Variants in ERC1 observed in about 807,000 individuals in gnomAD.
ERC1 encodes ELKS/RAB6-interacting/CAST family member 1.
ERC1 carries 56 observed loss-of-function variants against 132.0 expected under a neutral mutation model. That is an observed-to-expected ratio of 0.42 (90% CI 0.34 to 0.53). The LOEUF is 0.53. Ranked by LOEUF, ERC1 falls within the 20% of genes least tolerant of loss-of-function variation. The pLI, the probability that ERC1 is intolerant of heterozygous loss-of-function variation, is 0.03. For synonymous variants in ERC1, 478 were observed against 476.1 expected (o/e 1.00, Z -0.05); for missense variants, 1,202 against 1,349.9 (o/e 0.89, Z 1.72).
At chr12:1,040,894 GGTAT>G (rs1459144538) in intron 2 of ERC1, among the ~76,000 whole-genome samples, 1 of 152,032 alleles carries the variant, frequency 6.6e-6, no homozygotes, top group Non-Finnish European at 1.5e-5. Flanking sequence ...CAGAGAATGT[GGTAT>G]GCAAAGATCT....
chr12:1,252,179 A>T (rs1320755765), intron 13 of ERC1, among the ~76,000 whole-genome samples: 3 of 152,134 alleles, frequency 2.0e-5, no homozygotes, highest in Non-Finnish European at 1.5e-5. Context: ...AACATGTACA[A>T]CAAAGTGTTG....
At chr12:1,479,846 G>A (rs1423866081) in intron 18 of ERC1, among the ~76,000 whole-genome samples, 2 of 152,252 alleles carry the variant, frequency 1.3e-5, no homozygotes, top group East Asian at 3.9e-4. Context: ...AGACTCCCCG[G>A]GTGCCCACGT....
intron 8 of ERC1, among the ~76,000 whole-genome samples, chr12:1,155,874 T>A (rs1033658218): frequency 1.4e-4 from 21 of 149,198 alleles, no homozygotes; most frequent in African/African-American, 2.2e-4. Context: ...AAAAAAAAAA[T>A]AAATAAATAA....
chr12:1,397,247 A>G (rs1366136159), intron 16 of ERC1, among the ~76,000 whole-genome samples: 2 of 152,224 alleles, frequency 1.3e-5, no homozygotes, highest in Non-Finnish European at 2.9e-5. Context: ...CAGTTTGGCA[A>G]TATGTAGTAA....
Position 1,400,908 on chromosome 12 carries a change from A to ATTTTTTTT in ERC1, c.2926-7236_2926-7235insTTTTTTTT, listed in dbSNP as rs2090967822. On this transcript the variant is annotated intron_variant, in intron 16 of 18. Coordinates refer to ENST00000360905, the MANE Select transcript of ERC1 (RefSeq NM_178040.4). ...CTTCTCATTCAATATTGTTTTGGCT[A>ATTTTTTTT]TTTTTGTATTTTTTTTTTTTTTTTT... Among the ~76,000 whole-genome samples the ATTTTTTTT allele has an allele frequency of 2.8e-4, 12 of 43,400 alleles. 3 individuals are homozygous for ATTTTTTTT. Among genetic ancestry groups the ATTTTTTTT allele is most frequent in the Admixed American group, 5.3e-4 (2 of 3,782 alleles). 28.5% of individuals were successfully genotyped at this position (43,400 alleles called of 152,430 possible).
intron 14 of ERC1, among the ~76,000 whole-genome samples, chr12:1,267,453 G>A (rs2077550380): frequency 1.3e-5 from 2 of 152,224 alleles, no homozygotes; most frequent in African/African-American, 4.8e-5. Context: ...CATTTTAAAA[G>A]AGTGATTTAA....
chr12:1,119,511 TTGTGTGTGTGTGTG>T (rs1180385226), intron 7 of ERC1, among the ~76,000 whole-genome samples: 57 of 138,942 alleles, frequency 4.1e-4, no homozygotes, highest in Non-Finnish European at 7.0e-4. Context: ...TACTTCTTCT[TTGTGTGTGTGTGTG>T]TGTGTGTGTG....
intron 7 of ERC1, among the ~76,000 whole-genome samples, chr12:1,125,821 AAAAC>A (rs1478919117): frequency 1.3e-5 from 2 of 152,250 alleles, no homozygotes; most frequent in Admixed American, 1.3e-4. Context: ...GTCTCAAAAC[AAAAC>A]AAACAAAAAA....
chr12:1,359,477 C>T (rs1175638006), intron 15 of ERC1, among the ~76,000 whole-genome samples: 1 of 152,128 alleles, frequency 6.6e-6, no homozygotes, highest in Non-Finnish European at 1.5e-5. Context: ...AAGCAAGGAA[C>T]CGACACCTGG....
chr12:1,051,514 GC>G (rs1971967650), intron 2 of ERC1, among the ~76,000 whole-genome samples: 1 of 146,182 alleles, frequency 6.8e-6, no homozygotes, highest in African/African-American at 2.6e-5. Context: ...ACATAGCAAG[GC>G]CTCGTCTCTA....
intron 14 of ERC1, among the ~76,000 whole-genome samples, chr12:1,288,833 T>A (rs1419419586): frequency 6.6e-5 from 10 of 152,300 alleles, no homozygotes; most frequent in African/African-American, 1.9e-4. Flanking sequence ...GCTGTTTGAT[T>A]ACATTTGCTT....
At chr12:1,187,433 A>G (rs1955222363) in intron 11 of ERC1, among the ~76,000 whole-genome samples, 1 of 150,450 alleles carries the variant, frequency 6.6e-6, no homozygotes, top group Non-Finnish European at 1.5e-5. Context: ...TATCATTATT[A>G]TTTTATTTTT....
chr12:1,246,188 T>C (rs1477818592), intron 13 of ERC1, among the ~76,000 whole-genome samples: 2 of 152,226 alleles, frequency 1.3e-5, no homozygotes, highest in Non-Finnish European at 2.9e-5. Flanking sequence ...AAAATACATA[T>C]GTACAAGGTG....
intron 17 of ERC1, among the ~76,000 whole-genome samples, chr12:1,418,585 CTTTCTCTT>C (rs1246067284): frequency 5.9e-4 from 57 of 96,560 alleles, no homozygotes; most frequent in Non-Finnish European, 8.3e-4. Flanking sequence ...TTCTTTCTTT[CTTTCTCTT>C]TCTTTCTTTC....
At chr12:1,483,668 CTTTTTTTTTTTTTTTTTTTTTTTT>C (rs35596394) in intron 18 of ERC1, among the ~76,000 whole-genome samples, 10 of 55,220 alleles carry the variant, frequency 1.8e-4, no homozygotes, top group South Asian at 1.7e-3. Context: ...CCACTGAGAG[CTTTTTTTTTTTTTTTTTTTTTTTT>C]TTTTTTTTTT....
At chr12:1,182,108 T>C (rs747333885) in intron 10 of ERC1, 43 bp downstream of exon 10, 20 of 1,586,116 alleles carry the variant, frequency 1.3e-5, no homozygotes, top group Non-Finnish European at 1.7e-5. Context: ...GCTTAATCAT[T>C]GCATGTGTCT....
chr12:1,379,987 C>G (rs1228045610), intron 16 of ERC1: 1 of 152,070 alleles, frequency 6.6e-6, no homozygotes, highest in African/African-American at 2.4e-5. Flanking sequence ...AAATGCTGCT[C>G]AGCAGTAGAC....
In ERC1 at chr12:1,493,052, A is replaced by G. The variant is rs1287918562; in HGVS notation, c.*2822A>G. On this transcript the variant is annotated 3_prime_UTR_variant, in exon 19 of 19. Coordinates refer to ENST00000360905, the MANE Select transcript of ERC1 (RefSeq NM_178040.4). ...ACCCCAAACCAATGTCACCATAAAGAGGGCACGAAGAAGAGTGGGTGTGAT... is the reference window on the plus strand; with the variant it reads ...ACCCCAAACCAATGTCACCATAAAGGGGGCACGAAGAAGAGTGGGTGTGAT... The G allele has an allele frequency of 4.5e-6, 1 of 223,360 alleles. No individual in the cohort carries two copies. Among genetic ancestry groups the G allele is most frequent in the African/African-American group, 2.2e-5 (1 of 44,746 alleles). 13.8% of individuals were successfully genotyped at this position (223,360 alleles called of 1,614,324 possible).
At chr12:1,442,641 C>T (rs1004218394) in intron 17 of ERC1, among the ~76,000 whole-genome samples, 3 of 152,198 alleles carry the variant, frequency 2.0e-5, no homozygotes, top group African/African-American at 7.2e-5. Flanking sequence ...TTGTTTTAGC[C>T]ACTAAGCCCT....
Sources: allele counts gnomAD v4.1 joint callset (sites outside exome capture counted in the v4.1 genomes callset), GRCh38; gene constraint gnomAD v4.1.1; transcripts MANE v1.5; gene names NCBI Gene and HGNC (gene_info 2026-07-23, HGNC 2026-07-21).